Variants in BZW2 observed in about 807,000 individuals in gnomAD.
BZW2 encodes eIF5-mimic protein 1.
BZW2 carries 23 observed loss-of-function variants against 53.2 expected under a neutral mutation model. The ratio of observed to expected loss-of-function variants is 0.43; its 90% confidence interval spans 0.31 to 0.61. The LOEUF (loss-of-function observed/expected upper bound fraction) is 0.61, where lower values mean the gene tolerates loss of function less well. BZW2 is among the 20% of genes least tolerant of loss of function. The probability of loss-of-function intolerance (pLI) is 0.09; values close to 1 mark genes in which losing one functional copy is unlikely to be tolerated. For missense variants in BZW2, 409 were observed against 503.1 expected (o/e 0.81, Z 1.79); for synonymous variants, 227 against 186.4 (o/e 1.22, Z -1.77).
chr7:16,668,463 A>G (rs761498146), intron 2 of BZW2, among the ~76,000 whole-genome samples: 61 of 152,310 alleles, frequency 4.0e-4, no homozygotes, highest in Non-Finnish European at 8.1e-4. Flanking sequence ...CACTTGAGCC[A>G]TTTTGTGCCA....
At chr7:16,655,371 C>A (rs1782098207) in intron 1 of BZW2, among the ~76,000 whole-genome samples, 1 of 152,024 alleles carries the variant, frequency 6.6e-6, no homozygotes, top group African/African-American at 2.4e-5. Context: ...ACTTAAGTTA[C>A]TATGTAACAT....
intron 1 of BZW2, among the ~76,000 whole-genome samples, chr7:16,663,647 A>C (rs1782333808): frequency 6.6e-6 from 1 of 152,080 alleles, no homozygotes; most frequent in African/African-American, 2.4e-5. Flanking sequence ...GAATAATGTA[A>C]ATTTTTTATT....
At chr7:16,704,463 T>C in intron 10 of BZW2, 84 bp from the exon 11 acceptor site, 1 of 1,310,186 alleles carries the variant, frequency 7.6e-7, no homozygotes, top group Non-Finnish European at 1.0e-6. Flanking sequence ...AAATGATTGC[T>C]TTCTATTAAA....
intron 2 of BZW2, among the ~76,000 whole-genome samples, chr7:16,671,385 G>C (rs971026009): frequency 1.3e-5 from 2 of 152,002 alleles, no homozygotes; most frequent in Admixed American, 1.3e-4. Context: ...TCTTGAGTTG[G>C]GGGGCCTTAG....
intron 10 of BZW2, among the ~76,000 whole-genome samples, chr7:16,698,754 G>T (rs1783579847): frequency 6.6e-6 from 1 of 152,072 alleles, no homozygotes; most frequent in African/African-American, 2.4e-5. Flanking sequence ...AATGCTAAAG[G>T]TTTTAACCGA....
intron 4 of BZW2, among the ~76,000 whole-genome samples, chr7:16,682,193 T>C (rs1220759239): frequency 1.3e-5 from 2 of 152,220 alleles, no homozygotes; most frequent in African/African-American, 4.8e-5. Context: ...TCCACAGTTA[T>C]TAAAATAACC....
chr7:16,652,751 C>T (rs1782018790), intron 1 of BZW2, among the ~76,000 whole-genome samples: 1 of 152,180 alleles, frequency 6.6e-6, no homozygotes, highest in African/African-American at 2.4e-5. Flanking sequence ...TTTCGAACAC[C>T]TGACCTCAGG....
intron 2 of BZW2, among the ~76,000 whole-genome samples, chr7:16,666,273 A>G (rs543303848): frequency 1.3e-5 from 2 of 150,844 alleles, no homozygotes; most frequent in African/African-American, 4.9e-5. Flanking sequence ...TTTTAAAAAA[A>G]TTTTTTTGTA....
At chr7:16,675,095 T>C (rs912525064) in intron 3 of BZW2, among the ~76,000 whole-genome samples, 2 of 152,120 alleles carry the variant, frequency 1.3e-5, no homozygotes, top group Non-Finnish European at 2.9e-5. Context: ...GAAAACAAAA[T>C]AAAAGCTATA....
intron 1 of BZW2, among the ~76,000 whole-genome samples, chr7:16,658,601 G>T (rs1485877888): frequency 1.3e-5 from 2 of 152,116 alleles, no homozygotes; most frequent in East Asian, 1.9e-4. Context: ...TGTCGGCCAG[G>T]CGCAGTGGCT....
At chr7:16,649,843 CTGAA>C (rs940412475) in intron 1 of BZW2, among the ~76,000 whole-genome samples, 1 of 152,050 alleles carries the variant, frequency 6.6e-6, no homozygotes, top group Admixed American at 6.5e-5. Context: ...GGAAGAGAGA[CTGAA>C]TGAGAATATA....
At chr7:16,665,306 T>C (rs1782389539) in intron 1 of BZW2, 131 bp from the exon 2 acceptor site, 2 of 1,120,502 alleles carry the variant, frequency 1.8e-6, no homozygotes, top group Non-Finnish European at 2.6e-6. Context: ...TCTGTCTCAA[T>C]TGAAAAAAAA....
intron 11 of BZW2, among the ~76,000 whole-genome samples, chr7:16,705,409 G>A (rs1457332690): frequency 6.6e-6 from 1 of 152,022 alleles, no homozygotes; most frequent in Non-Finnish European, 1.5e-5. Flanking sequence ...GTTCAGGCCA[G>A]GCACGGTGGC....
At chr7:16,686,551 TA>T in intron 6 of BZW2, 2 of 157,816 alleles carry the variant, frequency 1.3e-5, no homozygotes, top group Admixed American at 6.1e-5. Context: ...TTTAAGGCAT[TA>T]AGGGTTGGAT....
At chr7:16,664,589 A>T (rs541301790) in intron 1 of BZW2, among the ~76,000 whole-genome samples, 1 of 152,344 alleles carries the variant, frequency 6.6e-6, no homozygotes, top group African/African-American at 2.4e-5. Flanking sequence ...GAACATACAT[A>T]TACCGTCAGA....
At chr7:16,703,843 A>C (rs1783749050) in intron 10 of BZW2, among the ~76,000 whole-genome samples, 1 of 152,170 alleles carries the variant, frequency 6.6e-6, no homozygotes, top group South Asian at 2.1e-4. Context: ...GATAGTTAAC[A>C]TTTTTTGTTG....
Position 16,695,016 on chromosome 7 carries a change from C to T in BZW2, c.822+12C>T, listed in dbSNP as rs371982632. On this transcript the variant is annotated intron_variant, in intron 8 of 11. Coordinates refer to ENST00000258761, the MANE Select transcript of BZW2 (RefSeq NM_014038.3). The stretch of plus-strand genomic sequence containing the variant: ...GCCCGATCAAGGAGGTGGGAGACCA[C>T]GGGCAGACATCACCTCAATACACAT... The T allele has an allele frequency of 6.7e-5, 105 of 1,558,358 alleles. No individual in the cohort carries two copies. The African/African-American group carries it at 7.3e-4, about 11-fold the overall frequency.
chr7:16,698,635 C>G (rs968498751), intron 10 of BZW2, among the ~76,000 whole-genome samples: 2 of 152,160 alleles, frequency 1.3e-5, no homozygotes, highest in African/African-American at 4.8e-5. Context: ...CTTGGCCCAG[C>G]CATTCTCCTG....
At chr7:16,704,810 C>A (rs1480920745) in intron 11 of BZW2, 141 bp downstream of exon 11, 1 of 863,144 alleles carries the variant, frequency 1.2e-6, no homozygotes, top group Non-Finnish European at 1.6e-6. Context: ...ATTTTGCCAA[C>A]ATCTTAGCTT....
Sources: allele counts gnomAD v4.1 joint callset (sites outside exome capture counted in the v4.1 genomes callset), GRCh38; gene constraint gnomAD v4.1.1; transcripts MANE v1.5; gene names NCBI Gene and HGNC (gene_info 2026-07-23, HGNC 2026-07-21).